KCNH8: variants seen among roughly 807,000 people sequenced by gnomAD.
KCNH8 encodes the protein voltage-gated delayed rectifier potassium channel KCNH8.
A neutral mutation model predicts 103.6 loss-of-function variants in KCNH8; 70 were observed. The ratio of observed to expected loss-of-function variants is 0.68; its 90% CI spans 0.56 to 0.82. The LOEUF (loss-of-function observed/expected upper bound fraction) is 0.82. Among genes scored for constraint, KCNH8 ranks in the 40% least tolerant of loss-of-function variants. The probability of loss-of-function intolerance (pLI) is 0.00; values close to 1 mark genes in which losing one functional copy is unlikely to be tolerated. For missense variants in KCNH8, 1,217 were observed against 1,329.9 expected, an observed-to-expected ratio of 0.92 and a Z score of 1.32; for synonymous variants, 498 against 489.4, an observed-to-expected ratio of 1.02 and a Z score of -0.23.
intron 1 of KCNH8, among the ~76,000 whole-genome samples, chr3:19,194,806 G>A (rs189123225): frequency 1.1e-4 from 17 of 151,706 alleles, no homozygotes; most frequent in African/African-American, 2.9e-4. Context: ...AGAGAAGGTC[G>A]TAATACAGTG....
Position 19,411,179 on chromosome 3 carries a change from G to C in KCNH8, c.1177+15868G>C, listed in dbSNP as rs375841805. 1.2e-4 allele frequency among the ~76,000 whole-genome samples: 19 copies of C among 152,212 alleles called. No individual in the cohort carries two copies. The South Asian group carries it at 3.9e-3, about 32-fold the overall frequency. ...AAGTTAATTCACCATGATCAAGTAG[G>C]CTTCATTCCTGGGATGCAAGGTTCG... On this transcript the variant is annotated intron_variant, in intron 7 of 15. Coordinates refer to ENST00000328405, the MANE Select transcript of KCNH8 (RefSeq NM_144633.3).
chr3:19,434,212 A>C (rs1187987085), intron 7 of KCNH8, among the ~76,000 whole-genome samples: 1 of 152,220 alleles, frequency 6.6e-6, no homozygotes, highest in Non-Finnish European at 1.5e-5. Context: ...TTAACCTTGA[A>C]GCACAGAGAC....
intron 11 of KCNH8, among the ~76,000 whole-genome samples, chr3:19,468,533 A>G (rs2067789946): frequency 6.6e-6 from 1 of 152,370 alleles, no homozygotes; most frequent in South Asian, 2.1e-4. Context: ...CCCTAAGTTC[A>G]GGAAAAGAGA....
At chr3:19,493,365 G>C (rs913837824) in intron 11 of KCNH8, among the ~76,000 whole-genome samples, 1 of 152,126 alleles carries the variant, frequency 6.6e-6, no homozygotes, top group Non-Finnish European at 1.5e-5. Context: ...GAACTGGTGG[G>C]AAGTGATTGG....
intron 2 of KCNH8, among the ~76,000 whole-genome samples, chr3:19,278,374 G>A (rs546853707): frequency 1.3e-5 from 2 of 151,130 alleles, no homozygotes; most frequent in South Asian, 4.2e-4. Context: ...AAATCTGGAG[G>A]GACAGTTGAA....
intron 3 of KCNH8, among the ~76,000 whole-genome samples, chr3:19,320,749 G>A (rs976190946): frequency 2.6e-5 from 4 of 151,880 alleles, no homozygotes. Context: ...GTGTCAATAC[G>A]ATTGGTACCA....
chr3:19,492,840 TG>T (rs2068353672), intron 11 of KCNH8, among the ~76,000 whole-genome samples: 1 of 66,660 alleles, frequency 1.5e-5, no homozygotes, highest in African/African-American at 6.2e-5. Context: ...CGTGTGTGTG[TG>T]TGTGTGTGTG....
At chr3:19,160,117 A>C (rs1053915679) in intron 1 of KCNH8, among the ~76,000 whole-genome samples, 1 of 152,130 alleles carries the variant, frequency 6.6e-6, no homozygotes, top group Admixed American at 6.6e-5. Context: ...GCCCACATTG[A>C]CTGCATTATA....
chr3:19,500,781 G>C (rs1283125835), intron 11 of KCNH8, among the ~76,000 whole-genome samples: 1 of 152,054 alleles, frequency 6.6e-6, no homozygotes, highest in Non-Finnish European at 1.5e-5. Context: ...ATTCAAAGTT[G>C]TGTGTAGAGG....
At chr3:19,391,233 G>A (rs1329943761) in intron 6 of KCNH8, among the ~76,000 whole-genome samples, 1 of 151,992 alleles carries the variant, frequency 6.6e-6, no homozygotes. Flanking sequence ...ATGAATCTTG[G>A]TACCTTCTTT....
chr3:19,443,319 G>A (rs1456298540), intron 8 of KCNH8, among the ~76,000 whole-genome samples: 2 of 150,740 alleles, frequency 1.3e-5, no homozygotes, highest in Admixed American at 6.6e-5. Context: ...GATCCACCTA[G>A]GAGTCCTCTG....
At chr3:19,383,782 TTAGA>T (rs2066319460) in intron 5 of KCNH8, among the ~76,000 whole-genome samples, 1 of 152,162 alleles carries the variant, frequency 6.6e-6, no homozygotes, top group Non-Finnish European at 1.5e-5. Context: ...ATATTATAGA[TTAGA>T]TAGTTCTTAT....
chr3:19,165,485 T>G (rs1363815580), intron 1 of KCNH8, among the ~76,000 whole-genome samples: 2 of 152,236 alleles, frequency 1.3e-5, no homozygotes, highest in African/African-American at 4.8e-5. Flanking sequence ...TTGATTTTTT[T>G]TGGTCATTAG....
At chr3:19,517,568 T>C (rs897283906) in intron 14 of KCNH8, among the ~76,000 whole-genome samples, 2 of 152,020 alleles carry the variant, frequency 1.3e-5, no homozygotes, top group Non-Finnish European at 2.9e-5. Context: ...CTGATATATA[T>C]GTGGGAGGAA....
intron 7 of KCNH8, among the ~76,000 whole-genome samples, chr3:19,395,717 G>A (rs1036991895): frequency 3.3e-5 from 5 of 151,986 alleles, no homozygotes; most frequent in African/African-American, 4.8e-5. Flanking sequence ...TTGAGGTGGC[G>A]TATTAATAGA....
intron 15 of KCNH8, 62 bp downstream of exon 15, chr3:19,518,136 C>A: frequency 7.6e-7 from 1 of 1,320,926 alleles, no homozygotes; most frequent in South Asian, 1.2e-5. Context: ...CCTAGTTACT[C>A]GCAGAAGCAG....
intron 3 of KCNH8, among the ~76,000 whole-genome samples, chr3:19,335,037 C>T (rs1447557250): frequency 6.6e-6 from 1 of 151,880 alleles, no homozygotes; most frequent in Non-Finnish European, 1.5e-5. Context: ...AAATTACCTT[C>T]ATTCTCTCTC....
At chr3:19,493,905 T>C (rs1280603472) in intron 11 of KCNH8, among the ~76,000 whole-genome samples, 2 of 152,192 alleles carry the variant, frequency 1.3e-5, no homozygotes, top group South Asian at 2.1e-4. Context: ...GCTATATGCA[T>C]AAACTGTGTC....
chr3:19,498,807 C>A (rs1200224387), intron 11 of KCNH8, among the ~76,000 whole-genome samples: 2 of 152,076 alleles, frequency 1.3e-5, no homozygotes, highest in Admixed American at 1.3e-4. Flanking sequence ...ACAGACAGGA[C>A]CCTCAGCTGC....
Sources: gnomAD v4.1 joint callset for allele counts (sites outside exome capture counted in the v4.1 genomes callset) on GRCh38, gnomAD v4.1.1 for gene constraint, MANE v1.5 for transcripts, NCBI Gene and HGNC (gene_info 2026-07-23, HGNC 2026-07-21) for gene names.